The following DACH2 variants were observed in gnomAD, a reference collection of about 807,000 sequenced individuals.
The protein encoded by DACH2 is dachshund family transcription factor 2.
A neutral mutation model predicts 35.8 loss-of-function variants in DACH2; 17 were observed. That is an observed-to-expected ratio of 0.48 (90% CI 0.33 to 0.71). DACH2 has a LOEUF of 0.71. Among genes scored for constraint, DACH2 ranks in the 30% least tolerant of loss-of-function variants. The pLI is 0.02. For missense variants in DACH2, 469 were observed against 472.7 expected, an observed-to-expected ratio of 0.99 and a Z score of 0.07; for synonymous variants, 195 against 177.3, an observed-to-expected ratio of 1.10 and a Z score of -0.79.
At chrX:86,753,207 CTAAA>C (rs961345643) in intron 7 of DACH2, among the ~76,000 whole-genome samples, 5 of 111,103 alleles carry the variant, frequency 4.5e-5, no homozygotes, top group Admixed American at 1.9e-4. Context: ...TGCTAACTGT[CTAAA>C]TAAGGATGTT....
chrX:86,727,975 C>T (rs2041489882), intron 6 of DACH2, among the ~76,000 whole-genome samples: 1 of 111,744 alleles, frequency 8.9e-6, no homozygotes, highest in African/African-American at 3.3e-5. Flanking sequence ...GGGTAATGGG[C>T]AGAGGTTGGA....
intron 2 of DACH2, among the ~76,000 whole-genome samples, chrX:86,412,679 A>G (rs895741346): frequency 2.7e-5 from 3 of 111,571 alleles, no homozygotes; most frequent in African/African-American, 9.8e-5. Context: ...TTGGTAGAAG[A>G]TGGCAGGGCC....
chrX:86,701,976 T>C (rs758374578), intron 5 of DACH2, among the ~76,000 whole-genome samples: 6 of 110,447 alleles, frequency 5.4e-5, no homozygotes, highest in African/African-American at 2.0e-4. Context: ...ACACACAGTT[T>C]ACCTATATAA....
At chrX:86,780,474 C>G (rs971574186) in intron 7 of DACH2, among the ~76,000 whole-genome samples, 5 of 111,743 alleles carry the variant, frequency 4.5e-5, no homozygotes, top group African/African-American at 1.6e-4. Flanking sequence ...TGCAAAATAG[C>G]CGTTTTAAGA....
intron 1 of DACH2, among the ~76,000 whole-genome samples, chrX:86,318,769 A>G (rs2034961802): frequency 9.0e-6 from 1 of 111,676 alleles, no homozygotes; most frequent in African/African-American, 3.3e-5. Context: ...ATCAGGAAAG[A>G]CAACCTTGAG....
intron 3 of DACH2, among the ~76,000 whole-genome samples, chrX:86,641,673 T>C (rs1028995256): frequency 3.7e-4 from 41 of 111,495 alleles, no homozygotes; most frequent in Non-Finnish European, 5.8e-4. Context: ...AAGATTGAAA[T>C]GAAAGAAAGA....
chrX:86,277,464 AT>A (rs1293837782), intron 1 of DACH2, among the ~76,000 whole-genome samples: 7 of 111,252 alleles, frequency 6.3e-5, no homozygotes, highest in African/African-American at 1.6e-4. Flanking sequence ...TTCTTGCTTT[AT>A]TTTTTTTGCT....
intron 3 of DACH2, among the ~76,000 whole-genome samples, chrX:86,535,695 C>T (rs987783547): frequency 9.1e-6 from 1 of 109,824 alleles, no homozygotes; most frequent in Non-Finnish European, 1.9e-5. Flanking sequence ...GAGAGAGACA[C>T]GGATCTGACA....
chrX:86,681,079 T>C (rs2040876508), intron 4 of DACH2, among the ~76,000 whole-genome samples: 2 of 111,504 alleles, frequency 1.8e-5, no homozygotes, highest in African/African-American at 6.5e-5. Flanking sequence ...TATCTATATG[T>C]CTGACTCCTT....
chrX:86,476,616 C>CTT (rs1326497636), intron 2 of DACH2, among the ~76,000 whole-genome samples: 2 of 111,034 alleles, frequency 1.8e-5, no homozygotes, highest in East Asian at 5.6e-4. Context: ...TTTCCTTGAT[C>CTT]TTTTGTATTG....
intron 3 of DACH2, among the ~76,000 whole-genome samples, chrX:86,552,197 C>A (rs2039058752): frequency 9.0e-6 from 1 of 111,139 alleles, no homozygotes; most frequent in African/African-American, 3.3e-5. Context: ...TTCAACATTT[C>A]TCGACGTGAA....
intron 2 of DACH2, among the ~76,000 whole-genome samples, chrX:86,386,770 A>G (rs1237908790): frequency 9.0e-6 from 1 of 111,299 alleles, no homozygotes; most frequent in African/African-American, 3.3e-5. Context: ...TGGATGTTCC[A>G]GACTCATCTT....
At chrX:86,407,571 A>G (rs2036545371) in intron 2 of DACH2, among the ~76,000 whole-genome samples, 1 of 112,351 alleles carries the variant, frequency 8.9e-6, no homozygotes, top group African/African-American at 3.2e-5. Flanking sequence ...TGAATTTTGA[A>G]CTGTATTCTG....
chrX:86,240,193 C>T (rs1247425251), intron 1 of DACH2, among the ~76,000 whole-genome samples: 2 of 111,314 alleles, frequency 1.8e-5, no homozygotes, highest in African/African-American at 6.5e-5. Context: ...GAACAGAAAT[C>T]TTTATAGTAG....
chrX:86,828,148 G>A (rs192529918), intron 11 of DACH2: 2 of 149,574 alleles, frequency 1.3e-5, no homozygotes, highest in African/African-American at 6.2e-5. Flanking sequence ...TCTAAATGGT[G>A]TGAGACAAAT....
At chrX:86,380,499 A>G (rs1377371885) in intron 2 of DACH2, among the ~76,000 whole-genome samples, 1 of 110,825 alleles carries the variant, frequency 9.0e-6, no homozygotes, top group Admixed American at 9.6e-5. Context: ...AGTGTAATAA[A>G]TTAGCAAGAT....
intron 6 of DACH2, among the ~76,000 whole-genome samples, chrX:86,732,807 T>C (rs1213034924): frequency 8.9e-6 from 1 of 112,024 alleles, no homozygotes; most frequent in Non-Finnish European, 1.9e-5. Flanking sequence ...GAAAACAATA[T>C]TGTGGCCAAA....
rs192305984 is a variant in DACH2 at position 86,722,355 on chromosome X, T to C, written c.1104+7635T>C. On this transcript the variant is annotated intron_variant, in intron 6 of 11. Coordinates refer to ENST00000373125, the MANE Select transcript of DACH2 (RefSeq NM_053281.3). The stretch of plus-strand genomic sequence containing the variant: ...TATATCTTATTTATGTATTTATGTA[T>C]TTCTTTATTTAAAGACAGTGTTTTG... 4.5e-5 allele frequency among the ~76,000 whole-genome samples: 5 copies of C among 111,296 alleles called. No homozygotes were observed. The South Asian group carries it at 1.1e-3, about 25-fold the overall frequency.
chrX:86,459,076 CAAAAG>C (rs1261516267), intron 2 of DACH2, among the ~76,000 whole-genome samples: 5 of 111,603 alleles, frequency 4.5e-5, no homozygotes, highest in African/African-American at 9.7e-5. Flanking sequence ...AAACTAAAAA[CAAAAG>C]AAGTGTTTTT....
Sources: gnomAD v4.1 joint callset for allele counts (sites outside exome capture counted in the v4.1 genomes callset) on GRCh38, gnomAD v4.1.1 for gene constraint, MANE v1.5 for transcripts, NCBI Gene and HGNC (gene_info 2026-07-23, HGNC 2026-07-21) for gene names.